CTNND1: variants seen among roughly 807,000 people sequenced by gnomAD.
CTNND1 encodes the protein catenin delta-1.
CTNND1 carries 16 observed loss-of-function variants against 112.1 expected under a neutral mutation model. The ratio of observed to expected loss-of-function variants is 0.14; its 90% CI spans 0.10 to 0.22. The LOEUF (loss-of-function observed/expected upper bound fraction) is 0.22. Among genes scored for constraint, CTNND1 ranks in the 10% least tolerant of loss-of-function variants. CTNND1 has a pLI of 1.00. For synonymous variants in CTNND1, 420 were observed against 446.5 expected, an observed-to-expected ratio of 0.94 and a Z score of 0.75; for missense variants, 1,008 against 1,257.0, an observed-to-expected ratio of 0.80 and a Z score of 3.00.
chr11:57,795,513 T>G, intron 4 of CTNND1, 64 bp from the exon 5 acceptor site: 1 of 1,527,222 alleles, frequency 6.5e-7, no homozygotes, highest in Non-Finnish European at 8.8e-7. Context: ...ATGCTTCTTA[T>G]TAGGATGGCT....
At chr11:57,792,439 G>A (rs1048630706) in intron 3 of CTNND1, among the ~76,000 whole-genome samples, 4 of 152,280 alleles carry the variant, frequency 2.6e-5, no homozygotes, top group East Asian at 1.9e-4. Context: ...GTGTGTGCGC[G>A]CGCACTCGCG....
intron 1 of CTNND1, among the ~76,000 whole-genome samples, chr11:57,783,442 G>A (rs920926819): frequency 2.0e-5 from 3 of 152,074 alleles, no homozygotes; most frequent in Admixed American, 1.3e-4. Flanking sequence ...GGTGGATCAC[G>A]AGGTCAGGAG....
Position 57,817,162 on chromosome 11 carries a change from G to C in CTNND1, c.*854G>C, listed in dbSNP as rs1340006554. On this transcript the variant is annotated 3_prime_UTR_variant, in exon 21 of 21. Transcript: ENST00000399050. ...GAAGGAGCAGAAAGATGTGTTTTTG[G>C]GAAGAAGAAGACCTCTAGGAGGAGC... 6.5e-6 allele frequency: 1 copy of C among 152,740 alleles called. No individual in the cohort carries two copies. The highest frequency in any genetic ancestry group is 1.5e-5 in the Non-Finnish European group (1 of 68,130). The allele number at this position is 152,740 out of a possible 1,614,324, so 9.5% of individuals were successfully genotyped here.
chr11:57,794,100 A>G lies in CTNND1; in HGVS notation c.267+19A>G. ...ACCCCAGGTAATTCTTTGGCTCAAG[A>G]CCTGGGTTGCTTCATTCATATTTTC... On this transcript the variant is annotated intron_variant, in intron 4 of 20. Transcript: ENST00000399050. 1 of 1,611,024 alleles carries G rather than the reference A, an allele frequency of 6.2e-7. No homozygotes were observed. The highest frequency in any genetic ancestry group is 1.7e-5 in the Admixed American group (1 of 60,008).
chr11:57,776,248 C>T (rs1954200298), intron 1 of CTNND1, among the ~76,000 whole-genome samples: 1 of 151,806 alleles, frequency 6.6e-6, no homozygotes, highest in Non-Finnish European at 1.5e-5. Context: ...GGGGAGGGAG[C>T]GAGGGAGGGT....
At chr11:57,772,794 TTCTCTC>T in intron 1 of CTNND1, among the ~76,000 whole-genome samples, 1 of 150,156 alleles carries the variant, frequency 6.7e-6, no homozygotes, top group South Asian at 2.1e-4. Context: ...CTCTGTCTCG[TTCTCTC>T]TCTCTCTCTC....
At chr11:57,769,269 C>T (rs565045235) in intron 1 of CTNND1, among the ~76,000 whole-genome samples, 3 of 152,040 alleles carry the variant, frequency 2.0e-5, no homozygotes, top group African/African-American at 7.2e-5. Context: ...TTGCAGTGAG[C>T]CGATATCATG....
intron 3 of CTNND1, 35 bp downstream of exon 3, chr11:57,791,708 C>G: frequency 6.7e-7 from 1 of 1,495,010 alleles, no homozygotes; most frequent in Non-Finnish European, 9.0e-7. Flanking sequence ...GCAGGTAGGA[C>G]TTTGGCATGG....
intron 9 of CTNND1, among the ~76,000 whole-genome samples, chr11:57,805,336 C>T (rs2062529303): frequency 6.6e-6 from 1 of 152,138 alleles, no homozygotes; most frequent in African/African-American, 2.4e-5. Flanking sequence ...ACCTCTCCCT[C>T]CTGGGTTCAA....
Position 57,808,311 on chromosome 11 carries a change from A to T in CTNND1, c.2091+19A>T. 1 of 1,602,144 alleles carries T rather than the reference A, an allele frequency of 6.2e-7. No homozygotes were observed. Among genetic ancestry groups the T allele is most frequent in the Non-Finnish European group, 8.5e-7 (1 of 1,170,314 alleles). ...CTGGACGGTACCTTTTAGAAAAGGGATTTGGAGATGGGAAAACTTAGATAA... is the reference window on the plus strand; with the variant it reads ...CTGGACGGTACCTTTTAGAAAAGGGTTTTGGAGATGGGAAAACTTAGATAA... On this transcript the variant is annotated intron_variant, in intron 13 of 20. Coordinates refer to ENST00000399050, the MANE Select transcript of CTNND1 (RefSeq NM_001085458.2).
In CTNND1 at chr11:57,804,735, T is replaced by C. The variant is rs1386290344; in HGVS notation, c.1677T>C (p.Ile559=). ...GTGATGGTTTAGTTGATGCCCTCAT[T>C]TTCATTGTTCAGGCTGAGATTGGGC... ...RECDGLVDAL[I]FIVQAEIGQK... is the part of the protein sequence containing the mutation. The change falls in exon 9 of 21, where the codon ATT becomes ATC. Residue 559 remains isoleucine, a synonymous_variant. Coordinates refer to ENST00000399050, the MANE Select transcript of CTNND1 (RefSeq NM_001085458.2). The C allele has an allele frequency of 1.2e-6, 2 of 1,613,928 alleles. No individual in the cohort carries two copies. Among genetic ancestry groups the C allele is most frequent in the East Asian group, 4.5e-5 (2 of 44,888 alleles).
At chr11:57,772,886 C>G (rs180689507) in intron 1 of CTNND1, among the ~76,000 whole-genome samples, 9 of 152,110 alleles carry the variant, frequency 5.9e-5, no homozygotes, top group Admixed American at 1.3e-4. Context: ...CCTCCTCTCT[C>G]TTTGGAGTTT....
At chr11:57,768,001 T>C (rs1238566897) in intron 1 of CTNND1, among the ~76,000 whole-genome samples, 1 of 151,134 alleles carries the variant, frequency 6.6e-6, no homozygotes, top group Non-Finnish European at 1.5e-5. Context: ...GCCCGGCTGA[T>C]TTTTGTATTT....
At chr11:57,789,846 G>A (rs996160225) in intron 2 of CTNND1, among the ~76,000 whole-genome samples, 32 of 152,190 alleles carry the variant, frequency 2.1e-4, no homozygotes, top group African/African-American at 7.7e-4. Context: ...ATTGACGTGT[G>A]GAGGTTAGGA....
chr11:57,763,457 A>G (rs909046964), intron 1 of CTNND1, among the ~76,000 whole-genome samples: 2 of 152,168 alleles, frequency 1.3e-5, no homozygotes, highest in African/African-American at 4.8e-5. Flanking sequence ...TTTCTTTTCT[A>G]GAATGAGGGT....
At chr11:57,805,739 A>G (rs2062591950) in intron 9 of CTNND1, 143 bp from the exon 10 acceptor site, 6 of 888,842 alleles carry the variant, frequency 6.8e-6, no homozygotes, top group Non-Finnish European at 8.3e-6. Flanking sequence ...AGCCTGGAGC[A>G]CTTAAGAGGC....
intron 6 of CTNND1, among the ~76,000 whole-genome samples, chr11:57,799,871 T>A (rs1006853506): frequency 4.6e-5 from 7 of 152,108 alleles, no homozygotes; most frequent in African/African-American, 7.2e-5. Flanking sequence ...TGAGTTTTTT[T>A]AATTATACAT....
intron 15 of CTNND1, 34 bp downstream of exon 15, chr11:57,809,500 A>AC: frequency 6.4e-7 from 1 of 1,563,542 alleles, no homozygotes; most frequent in Non-Finnish European, 8.7e-7. Context: ...AGTCAAAAGA[A>AC]TTTGAGTGAG....
Position 57,794,732 on chromosome 11 carries a change from CT to C in CTNND1, c.267+652del, listed in dbSNP as rs552301777. Reference sequence around the variant, plus strand: ...ACCAGGTGGCGGAGATTGTGGTGAGCTGAGATCATGCCATTGTACTCCAGCC... The same window carrying C: ...ACCAGGTGGCGGAGATTGTGGTGAGCGAGATCATGCCATTGTACTCCAGCC... On this transcript the variant is annotated intron_variant, in intron 4 of 20. Coordinates refer to ENST00000399050, the MANE Select transcript of CTNND1 (RefSeq NM_001085458.2). 2.1e-3 allele frequency among the ~76,000 whole-genome samples: 315 copies of C among 150,580 alleles called. 1 individual carries two copies. The highest frequency in any genetic ancestry group is 7.1e-3 in the African/African-American group (289 of 40,866).
Sources: allele counts gnomAD v4.1 joint callset (sites outside exome capture counted in the v4.1 genomes callset), GRCh38; gene constraint gnomAD v4.1.1; transcripts MANE v1.5; gene names NCBI Gene and HGNC (gene_info 2026-07-23, HGNC 2026-07-21).